EDIL3: variants seen among roughly 807,000 people sequenced by gnomAD.
EDIL3 encodes the protein EGF-like repeat and discoidin I-like domain-containing protein 3.
Under a neutral mutation model 67.4 loss-of-function variants are expected in EDIL3, and 37 were observed. That is an observed-to-expected ratio of 0.55 (90% CI 0.42 to 0.72). The LOEUF (loss-of-function observed/expected upper bound fraction) is 0.72. EDIL3 is among the 30% of genes least tolerant of loss of function. The pLI, the probability that EDIL3 is intolerant of heterozygous loss-of-function variation, is 0.00. For missense variants in EDIL3, 527 were observed against 586.3 expected, an observed-to-expected ratio of 0.90 and a Z score of 1.04; for synonymous variants, 195 against 196.3, an observed-to-expected ratio of 0.99 and a Z score of 0.05.
intron 3 of EDIL3, among the ~76,000 whole-genome samples, chr5:84,182,882 A>G (rs1749040037): frequency 6.6e-6 from 1 of 152,204 alleles, no homozygotes; most frequent in Admixed American, 6.5e-5. Context: ...TGTGCTGTGA[A>G]GCACATATCA....
intron 1 of EDIL3, among the ~76,000 whole-genome samples, chr5:84,330,921 T>C (rs1439818007): frequency 1.3e-5 from 2 of 152,182 alleles, no homozygotes; most frequent in African/African-American, 2.4e-5. Flanking sequence ...CTGTACTGAG[T>C]GCCCAAGGCC....
At chr5:84,036,600 A>G (rs962428969) in intron 9 of EDIL3, among the ~76,000 whole-genome samples, 3 of 152,134 alleles carry the variant, frequency 2.0e-5, no homozygotes, top group African/African-American at 7.2e-5. Flanking sequence ...AACAAACCTC[A>G]AGCAGGTGGG....
intron 9 of EDIL3, among the ~76,000 whole-genome samples, chr5:84,028,681 T>C (rs1477962650): frequency 6.6e-6 from 1 of 152,084 alleles, no homozygotes; most frequent in Non-Finnish European, 1.5e-5. Flanking sequence ...CAAACACATA[T>C]ATGTATGTAT....
chr5:84,326,348 A>G (rs972783093), intron 1 of EDIL3, among the ~76,000 whole-genome samples: 5 of 152,096 alleles, frequency 3.3e-5, no homozygotes, highest in African/African-American at 1.2e-4. Context: ...AATGATAGAG[A>G]CAGAAAGTAG....
chr5:84,178,868 T>C (rs993944964), intron 4 of EDIL3, among the ~76,000 whole-genome samples: 6 of 152,142 alleles, frequency 3.9e-5, no homozygotes, highest in Non-Finnish European at 7.4e-5. Context: ...AATCTTGTTG[T>C]GGGGGTGGTC....
intron 9 of EDIL3, among the ~76,000 whole-genome samples, chr5:84,039,838 A>T (rs1746088126): frequency 6.6e-6 from 1 of 152,028 alleles, no homozygotes; most frequent in African/African-American, 2.4e-5. Flanking sequence ...AAAATAAAAT[A>T]AAATATTCAC....
chr5:84,055,902 C>T (rs1010379510), intron 9 of EDIL3, among the ~76,000 whole-genome samples: 6 of 152,120 alleles, frequency 3.9e-5, no homozygotes, highest in Admixed American at 1.3e-4. Context: ...GTCAGTGTGG[C>T]GATTCCTCAG....
intron 3 of EDIL3, among the ~76,000 whole-genome samples, chr5:84,206,018 T>G (rs1743970382): frequency 6.6e-6 from 1 of 152,028 alleles, no homozygotes; most frequent in Non-Finnish European, 1.5e-5. Context: ...GTGTCAATTT[T>G]GGATCTTTCC....
chr5:83,969,172 A>G (rs1316537642), intron 9 of EDIL3, among the ~76,000 whole-genome samples: 1 of 151,686 alleles, frequency 6.6e-6, no homozygotes, highest in Admixed American at 6.6e-5. Flanking sequence ...TCTATTTTCA[A>G]TATATATGTA....
At position 84,097,507 on chromosome 5, in the gene EDIL3, G is replaced by C. The variant is rs772060651; in HGVS notation, c.651+9142C>G. ...GATATAATATAATTCAAATGGAGTA[G>C]TTAGCAAACCATGTAAGGCCAGGCC... On this transcript the variant is annotated intron_variant, in intron 6 of 10. Coordinates refer to ENST00000296591, the MANE Select transcript of EDIL3 (RefSeq NM_005711.5). 4.6e-5 allele frequency among the ~76,000 whole-genome samples: 7 copies of C among 152,166 alleles called. No individual in the cohort carries two copies. In the East Asian group the frequency reaches 5.8e-4, roughly 13 times the overall value.
At chr5:84,375,003 C>T (rs558365334) in intron 1 of EDIL3, among the ~76,000 whole-genome samples, 1 of 148,768 alleles carries the variant, frequency 6.7e-6, no homozygotes, top group Admixed American at 6.7e-5. Context: ...GACGGAGTCT[C>T]TCTCTGTCAC....
intron 9 of EDIL3, among the ~76,000 whole-genome samples, chr5:84,034,164 A>T (rs887659713): frequency 6.6e-6 from 1 of 152,186 alleles, no homozygotes; most frequent in African/African-American, 2.4e-5. Flanking sequence ...AGTTGCATCA[A>T]TTTTACTAAA....
At chr5:84,002,606 A>G (rs1745350289) in intron 9 of EDIL3, among the ~76,000 whole-genome samples, 1 of 152,162 alleles carries the variant, frequency 6.6e-6, no homozygotes, top group African/African-American at 2.4e-5. Context: ...CAAAATCAAC[A>G]AACAAAAATC....
intron 3 of EDIL3, among the ~76,000 whole-genome samples, chr5:84,199,762 G>A (rs1743792913): frequency 6.6e-6 from 1 of 152,000 alleles, no homozygotes; most frequent in South Asian, 2.1e-4. Flanking sequence ...TGGGATTGAA[G>A]GGACTTTAGT....
chr5:84,000,573 A>G (rs1745315549), intron 9 of EDIL3, among the ~76,000 whole-genome samples: 1 of 152,102 alleles, frequency 6.6e-6, no homozygotes. Context: ...TACAAAAAAA[A>G]AGAGCAAGAA....
chr5:84,330,798 A>T (rs1746855001), intron 1 of EDIL3, among the ~76,000 whole-genome samples: 1 of 152,160 alleles, frequency 6.6e-6, no homozygotes. Flanking sequence ...ACAATAGAGA[A>T]CACTGTCAGT....
chr5:84,228,639 T>A (rs1237537620), intron 3 of EDIL3, among the ~76,000 whole-genome samples: 4 of 152,182 alleles, frequency 2.6e-5, no homozygotes, highest in Non-Finnish European at 5.9e-5. Flanking sequence ...AAAGGCAGTT[T>A]ATAGTTATAA....
chr5:84,156,387 A>C (rs1748491754), intron 4 of EDIL3, among the ~76,000 whole-genome samples: 1 of 152,178 alleles, frequency 6.6e-6, no homozygotes, highest in Non-Finnish European at 1.5e-5. Context: ...AGACTTTTCC[A>C]GATCAGGGAT....
intron 2 of EDIL3, among the ~76,000 whole-genome samples, chr5:84,230,273 C>T (rs967751738): frequency 6.6e-6 from 1 of 152,048 alleles, no homozygotes; most frequent in Non-Finnish European, 1.5e-5. Flanking sequence ...CATAGAGCTA[C>T]CCCACCATCA....
Sources: allele counts gnomAD v4.1 joint callset (sites outside exome capture counted in the v4.1 genomes callset), GRCh38; gene constraint gnomAD v4.1.1; transcripts MANE v1.5; gene names NCBI Gene and HGNC (gene_info 2026-07-23, HGNC 2026-07-21).